The following FABP7 variants were observed in gnomAD, a reference collection of about 807,000 sequenced individuals.
FABP7 encodes the protein fatty acid-binding protein, brain.
Under a neutral mutation model 14.2 loss-of-function variants are expected in FABP7, and 13 were observed. The ratio of observed to expected loss-of-function variants is 0.91; its 90% CI spans 0.59 to 1.45. The LOEUF is 1.45. Ranked by LOEUF, FABP7 falls within the 40% of genes most tolerant of loss-of-function variation. FABP7 has a pLI of 0.00. For synonymous variants in FABP7, 49 were observed against 51.4 expected, an observed-to-expected ratio of 0.95 and a Z score of 0.20; for missense variants, 149 against 157.6, an observed-to-expected ratio of 0.95 and a Z score of 0.29.
chr6:122,767,375 A>C, the FABP7 span, among the ~76,000 whole-genome samples: 4 of 152,112 alleles, frequency 2.6e-5, no homozygotes, highest in Non-Finnish European at 4.4e-5. Context: ...CAGCTTAGCA[A>C]TGTTAGAAGG....
At chr6:122,760,753 T>C in the FABP7 span, among the ~76,000 whole-genome samples, 3 of 152,138 alleles carry the variant, frequency 2.0e-5, no homozygotes, top group Non-Finnish European at 4.4e-5. Context: ...TGTAACATTA[T>C]ATTGAATTTA....
chr6:122,773,279 A>T, the FABP7 span, among the ~76,000 whole-genome samples: 61 of 152,306 alleles, frequency 4.0e-4, 2 homozygotes, highest in East Asian at 0.011. Flanking sequence ...TAAGTGGCTG[A>T]TATGATCTAA....
chr6:122,765,195 TATGAC>T, the FABP7 span, among the ~76,000 whole-genome samples: 1 of 152,170 alleles, frequency 6.6e-6, no homozygotes, highest in African/African-American at 2.4e-5. Context: ...TCATACTTCT[TATGAC>T]ATTACAGGCA....
At position 122,779,792 on chromosome 6, in the gene FABP7, A is replaced by C. The variant is rs1780736282; in HGVS notation, c.-3A>C. On this transcript the variant is annotated 5_prime_UTR_variant, in exon 1 of 4. Coordinates refer to ENST00000368444, the MANE Select transcript of FABP7 (RefSeq NM_001446.5). The stretch of plus-strand genomic sequence containing the variant: ...CTGTCTCTAAAGAGGGGAAAGGGCA[A>C]GGATGGTGGAGGCTTTCTGTGCTAC... 6.2e-7 allele frequency: 1 copy of C among 1,614,124 alleles called. No homozygotes were observed. The highest frequency in any genetic ancestry group is 8.5e-7 in the Non-Finnish European group (1 of 1,179,996).
At chr6:122,761,191 G>A in the FABP7 span, among the ~76,000 whole-genome samples, 150,520 of 152,252 alleles carry the variant, frequency 0.99, 74,432 homozygotes, top group Middle Eastern at 1. Flanking sequence ...ATGTTTTCCT[G>A]CAAGGTGACT....
At chr6:122,770,804 A>G in the FABP7 span, among the ~76,000 whole-genome samples, 1 of 152,124 alleles carries the variant, frequency 6.6e-6, no homozygotes, top group Non-Finnish European at 1.5e-5. Context: ...CTTTTAACAA[A>G]CACATTTAAA....
At chr6:122,773,929 A>C in the FABP7 span, among the ~76,000 whole-genome samples, 1 of 152,052 alleles carries the variant, frequency 6.6e-6, no homozygotes, top group African/African-American at 2.4e-5. Flanking sequence ...ATTCTTTACC[A>C]TTAGTGCCAC....
intron 2 of FABP7, 104 bp from the exon 3 acceptor site, chr6:122,780,989 T>G (rs1780766858): frequency 7.5e-7 from 1 of 1,330,886 alleles, no homozygotes; most frequent in African/African-American, 1.5e-5. Context: ...TAACTGATCA[T>G]GATTTATTCA....
intron 2 of FABP7, 145 bp from the exon 3 acceptor site, chr6:122,780,948 C>T: frequency 4.2e-6 from 4 of 961,858 alleles, no homozygotes; most frequent in Non-Finnish European, 5.7e-6. Context: ...AATAGAAAAT[C>T]TAGAAGTAAT....
At chr6:122,772,336 G>A in the FABP7 span, among the ~76,000 whole-genome samples, 1,013 of 152,210 alleles carry the variant, frequency 6.7e-3, 13 homozygotes, top group African/African-American at 0.023. Flanking sequence ...TAAATAATGG[G>A]AGGTAAAAGG....
chr6:122,780,488 G>T (rs1374013079), intron 2 of FABP7, 25 bp downstream of exon 2: 1 of 1,605,332 alleles, frequency 6.2e-7, no homozygotes, highest in Non-Finnish European at 8.5e-7. Context: ...CTTCTTCAGA[G>T]TGGGGATGGG....
At chr6:122,764,587 T>C in the FABP7 span, among the ~76,000 whole-genome samples, 1 of 152,122 alleles carries the variant, frequency 6.6e-6, no homozygotes, top group African/African-American at 2.4e-5. Flanking sequence ...TCAAAGGAAC[T>C]CATGAACTGT....
At chr6:122,782,934 A>AT (rs1582521719) in intron 3 of FABP7, 5 of 985,144 alleles carry the variant, frequency 5.1e-6, no homozygotes, top group East Asian at 2.3e-4. Flanking sequence ...TTTTACCTCC[A>AT]TTTTTTCCCA....
chr6:122,779,701 G>A (rs531057026), upstream of FABP7: 79 of 1,183,746 alleles, frequency 6.7e-5, no homozygotes, highest in South Asian at 9.1e-4. Context: ...GAAGGCAGGA[G>A]CTGCTTGCTG....
upstream of FABP7, among the ~76,000 whole-genome samples, chr6:122,774,844 G>A (rs1408420992): frequency 3.4e-5 from 5 of 148,588 alleles, no homozygotes; most frequent in East Asian, 9.8e-4. Context: ...ACAAAAATCA[G>A]TAGCATTTCT....
chr6:122,781,029 T>C, intron 2 of FABP7, 64 bp from the exon 3 acceptor site: 1 of 1,526,236 alleles, frequency 6.6e-7, no homozygotes, highest in Non-Finnish European at 8.8e-7. Context: ...AATCACATCG[T>C]CTTCCGTATC....
chr6:122,768,885 G>A, the FABP7 span, among the ~76,000 whole-genome samples: 4 of 152,010 alleles, frequency 2.6e-5, no homozygotes, highest in Non-Finnish European at 5.9e-5. Context: ...GAAATGAATA[G>A]GGATTTCTTC....
the FABP7 span, among the ~76,000 whole-genome samples, chr6:122,766,449 C>G: frequency 6.6e-6 from 1 of 152,124 alleles, no homozygotes; most frequent in South Asian, 2.1e-4. Context: ...AGATATATTG[C>G]CAGATTTCTG....
At chr6:122,776,835 T>C (rs1447793861), upstream of FABP7, among the ~76,000 whole-genome samples, 1 of 152,152 alleles carries the variant, frequency 6.6e-6, no homozygotes, top group Non-Finnish European at 1.5e-5. Context: ...AAATAGTCAC[T>C]TGACTTTTTC....
Sources: gnomAD v4.1 joint callset for allele counts (sites outside exome capture counted in the v4.1 genomes callset) on GRCh38, gnomAD v4.1.1 for gene constraint, MANE v1.5 for transcripts, NCBI Gene and HGNC (gene_info 2026-07-23, HGNC 2026-07-21) for gene names.